The following ZNF618 variants were observed in gnomAD, a reference collection of about 807,000 sequenced individuals.
The protein encoded by ZNF618 is neural precursor cell expressed, developmentally down-regulated 10.
A neutral mutation model predicts 103.0 loss-of-function variants in ZNF618; 34 were observed. That is an observed-to-expected ratio of 0.33 (90% CI 0.25 to 0.44). The LOEUF is 0.44. ZNF618 is among the 20% of genes least tolerant of loss of function. The pLI, the probability that ZNF618 is intolerant of heterozygous loss-of-function variation, is 1.00. For missense variants in ZNF618, 1,059 were observed against 1,295.4 expected, an observed-to-expected ratio of 0.82 and a Z score of 2.80; for synonymous variants, 551 against 542.2, an observed-to-expected ratio of 1.02 and a Z score of -0.23.
chr9:113,961,999 C>A (rs1344823980), intron 1 of ZNF618, among the ~76,000 whole-genome samples: 1 of 152,208 alleles, frequency 6.6e-6, no homozygotes, highest in African/African-American at 2.4e-5. Context: ...GGCCAAGCCA[C>A]TGGCGGTGGT....
At chr9:113,947,990 A>C (rs1835201170) in intron 1 of ZNF618, among the ~76,000 whole-genome samples, 1 of 152,210 alleles carries the variant, frequency 6.6e-6, no homozygotes, top group East Asian at 1.9e-4. Flanking sequence ...GACAAAGAGC[A>C]TCAGAATGGC....
intron 13 of ZNF618, among the ~76,000 whole-genome samples, chr9:114,044,668 A>G (rs970310223): frequency 6.6e-6 from 1 of 152,212 alleles, no homozygotes; most frequent in Non-Finnish European, 1.5e-5. Context: ...CTACCCATCC[A>G]TGAGCACGGG....
At chr9:113,940,591 C>T (rs1412408781) in intron 1 of ZNF618, among the ~76,000 whole-genome samples, 1 of 150,212 alleles carries the variant, frequency 6.7e-6, no homozygotes, top group Non-Finnish European at 1.5e-5. Context: ...GGGGGTGGTT[C>T]TTGATAATTA....
chr9:113,979,732 C>G (rs1017493882), intron 2 of ZNF618, among the ~76,000 whole-genome samples: 2 of 152,208 alleles, frequency 1.3e-5, no homozygotes, highest in South Asian at 4.1e-4. Flanking sequence ...CATGTGCCAG[C>G]CACTGCTCTG....
chr9:114,052,543 A>G lies in ZNF618; in HGVS notation c.*2376A>G, dbSNP rs1294909540. ...TGATGTCAGTTGGGCCTTTGGAGGC[A>G]TTCTGGAAGGTGGCCTCAGCATCAC... On this transcript the variant is annotated 3_prime_UTR_variant, in exon 15 of 15. Transcript: ENST00000374126. 1.3e-5 allele frequency: 2 copies of G among 152,276 alleles called. No homozygotes were observed. The highest frequency in any genetic ancestry group is 4.8e-5 in the African/African-American group (2 of 41,470). The allele number at this position is 152,276 out of a possible 1,614,324, so 9.4% of individuals were successfully genotyped here.
rs368948378 is a variant in ZNF618 at position 113,988,562 on chromosome 9, C to T, written c.319C>T (p.Arg107Cys). Reference sequence around the variant, plus strand: ...GATCTGCGTGGTGATCGGCGGCGTCCGCAACCAGCAGACCCTTGGTGAGTG... The same window carrying T: ...GATCTGCGTGGTGATCGGCGGCGTCTGCAACCAGCAGACCCTTGGTGAGTG... ...AEICVVIGGV[R>C]NQQTLDGKAP... The change falls in exon 3 of 15, where the codon CGC becomes TGC. Residue 107 changes from arginine (R) to cysteine (C), a missense_variant. By Grantham distance (180) the Arg-to-Cys change is radical. Coordinates refer to ENST00000374126, the MANE Select transcript of ZNF618 (RefSeq NM_001318042.2). 1.2e-5 allele frequency: 19 copies of T among 1,608,610 alleles called. 1 individual carries two copies. Among genetic ancestry groups the T allele is most frequent in the South Asian group, 3.3e-5 (3 of 90,482 alleles).
chr9:114,055,139 G>A lies in ZNF618; in HGVS notation c.*4972G>A, dbSNP rs1846389606. ...AGCCCAGCCTTGTCCGCAACCTCAG[G>A]GGCCTGGGATTCCTGTGGCGCTTCC... On this transcript the variant is annotated 3_prime_UTR_variant, in exon 15 of 15. Transcript: ENST00000374126. The A allele has an allele frequency of 6.6e-6, 1 of 152,202 alleles. No homozygotes were observed. The highest frequency in any genetic ancestry group is 6.5e-5 in the Admixed American group (1 of 15,282). The allele number at this position is 152,202 out of a possible 1,614,324, so 9.4% of individuals were successfully genotyped here. A position where few individuals can be genotyped will look rare whatever the true frequency, so the allele number is the denominator to read the frequency against.
chr9:113,975,446 T>C (rs942861041), intron 2 of ZNF618, among the ~76,000 whole-genome samples: 1 of 152,200 alleles, frequency 6.6e-6, no homozygotes, highest in African/African-American at 2.4e-5. Context: ...CCATTTTGGT[T>C]TTCAGCAGCA....
intron 7 of ZNF618, among the ~76,000 whole-genome samples, chr9:114,008,050 A>T (rs1318363677): frequency 6.6e-6 from 1 of 152,016 alleles, no homozygotes; most frequent in Admixed American, 6.5e-5. Flanking sequence ...CCTTGAACCC[A>T]TGATGGCAAT....
At chr9:113,921,114 A>G (rs1832600074) in intron 1 of ZNF618, among the ~76,000 whole-genome samples, 1 of 152,220 alleles carries the variant, frequency 6.6e-6, no homozygotes, top group Non-Finnish European at 1.5e-5. Context: ...TTAAAAAGTT[A>G]CTTGAGCATA....
intron 1 of ZNF618, among the ~76,000 whole-genome samples, chr9:113,938,906 T>A (rs1354298608): frequency 6.6e-6 from 1 of 152,178 alleles, no homozygotes; most frequent in East Asian, 1.9e-4. Context: ...ATTGTTGATA[T>A]GTAGGAAAGC....
intron 1 of ZNF618, among the ~76,000 whole-genome samples, chr9:113,894,303 G>A (rs1829856956): frequency 6.6e-6 from 1 of 152,142 alleles, no homozygotes; most frequent in Non-Finnish European, 1.5e-5. Context: ...CCATCCACCT[G>A]ACTGACCATT....
At chr9:113,889,076 C>G (rs573230907) in intron 1 of ZNF618, among the ~76,000 whole-genome samples, 10 of 152,246 alleles carry the variant, frequency 6.6e-5, no homozygotes, top group Non-Finnish European at 1.3e-4. Context: ...TGCTGTGCAA[C>G]AAATCACCCC....
At chr9:113,997,468 C>T (rs1040108143) in intron 3 of ZNF618, among the ~76,000 whole-genome samples, 12 of 152,150 alleles carry the variant, frequency 7.9e-5, no homozygotes, top group Admixed American at 2.0e-4. Context: ...CAGATCTGAC[C>T]GACCTCTGGT....
At chr9:114,025,199 C>T (rs979007910) in intron 10 of ZNF618, among the ~76,000 whole-genome samples, 2 of 152,196 alleles carry the variant, frequency 1.3e-5, no homozygotes, top group East Asian at 3.9e-4. Context: ...AGGTTGACTC[C>T]TCTTGCATCC....
chr9:114,046,684 T>C (rs1237920988), intron 13 of ZNF618, among the ~76,000 whole-genome samples: 1 of 152,224 alleles, frequency 6.6e-6, no homozygotes, highest in African/African-American at 2.4e-5. Context: ...TTCTGGTAGA[T>C]GCTCTTTATT....
intron 1 of ZNF618, among the ~76,000 whole-genome samples, chr9:113,889,789 G>A (rs1367260140): frequency 6.6e-6 from 1 of 152,076 alleles, no homozygotes; most frequent in East Asian, 1.9e-4. Flanking sequence ...CTGTCCTTCT[G>A]TGTGACTGTC....
chr9:113,929,957 T>C (rs1833424987), intron 1 of ZNF618, among the ~76,000 whole-genome samples: 1 of 152,224 alleles, frequency 6.6e-6, no homozygotes, highest in Non-Finnish European at 1.5e-5. Context: ...AGAGCTTGTT[T>C]ATCTTGGCTT....
At chr9:113,990,980 G>A (rs545179773) in intron 3 of ZNF618, among the ~76,000 whole-genome samples, 1 of 151,922 alleles carries the variant, frequency 6.6e-6, no homozygotes, top group South Asian at 2.1e-4. Context: ...TTTGGTATCT[G>A]TGTGTGTTAA....
Sources: gnomAD v4.1 joint callset for allele counts (sites outside exome capture counted in the v4.1 genomes callset) on GRCh38, gnomAD v4.1.1 for gene constraint, MANE v1.5 for transcripts, NCBI Gene and HGNC (gene_info 2026-07-23, HGNC 2026-07-21) for gene names.